The following GPA33 variants were observed in gnomAD, a reference collection of about 807,000 sequenced individuals.
The protein encoded by GPA33 is glycoprotein A33.
A neutral mutation model predicts 35.6 loss-of-function variants in GPA33; 27 were observed. That is an observed-to-expected ratio of 0.76 (90% CI 0.56 to 1.04). GPA33 has a LOEUF of 1.04. Ranked by LOEUF, GPA33 falls within the 50% of genes least tolerant of loss-of-function variation. GPA33 has a pLI of 0.00. For missense variants in GPA33, 428 were observed against 411.9 expected (o/e 1.04, Z -0.34); for synonymous variants, 176 against 164.0 (o/e 1.07, Z -0.56).
chr1:167,075,221 T>A (rs1183945539), intron 1 of GPA33, among the ~76,000 whole-genome samples: 1 of 152,090 alleles, frequency 6.6e-6, no homozygotes, highest in East Asian at 1.9e-4. Context: ...TGTTAAAAGA[T>A]CATTCTGGCA....
intron 1 of GPA33, among the ~76,000 whole-genome samples, chr1:167,077,013 C>A (rs559599167): frequency 6.6e-6 from 1 of 152,266 alleles, no homozygotes; most frequent in African/African-American, 2.4e-5. Context: ...CAAGACCAGC[C>A]TGGCCAACAT....
rs1296689752 is a variant in GPA33 at position 167,055,869 on chromosome 1, A to G, written c.572-20T>C. 1 of 1,613,538 alleles carries G rather than the reference A, an allele frequency of 6.2e-7. No homozygotes were observed. The highest frequency in any genetic ancestry group is 8.5e-7 in the Non-Finnish European group (1 of 1,179,648). The stretch of plus-strand genomic sequence containing the variant: ...CTGAGGCTGCAGGGGAAGAAGAGTC[A>G]GGGTGAAGAGAGGCACTACAGTGGA... On this transcript the variant is annotated intron_variant, in intron 4 of 6. Coordinates refer to ENST00000367868, the MANE Select transcript of GPA33 (RefSeq NM_005814.3).
intron 1 of GPA33, among the ~76,000 whole-genome samples, chr1:167,074,227 C>T (rs10918614): frequency 0.22 from 33,948 of 151,510 alleles, 4,060 homozygotes; most frequent in Non-Finnish European, 0.27. Flanking sequence ...TCCTTCTCTT[C>T]GAGCCTGGGT....
At chr1:167,072,539 A>G (rs141194766) in intron 2 of GPA33, among the ~76,000 whole-genome samples, 109 of 152,330 alleles carry the variant, frequency 7.2e-4, no homozygotes, top group African/African-American at 2.4e-3. Flanking sequence ...CAGAGTTTTA[A>G]TAATTTATTT....
At chr1:167,072,309 C>T (rs1263930803) in intron 2 of GPA33, among the ~76,000 whole-genome samples, 1 of 152,180 alleles carries the variant, frequency 6.6e-6, no homozygotes, top group Non-Finnish European at 1.5e-5. Flanking sequence ...TGAATAGATG[C>T]TCTACTTCTT....
chr1:167,086,543 G>A (rs1358877425), intron 1 of GPA33, among the ~76,000 whole-genome samples: 4 of 152,210 alleles, frequency 2.6e-5, no homozygotes. Context: ...TGATCCACAC[G>A]AACATGGCAC....
chr1:167,068,943 G>T lies in GPA33; in HGVS notation c.394C>A (p.Arg132Ser). 1.9e-6 allele frequency: 3 copies of T among 1,612,944 alleles called. No individual in the cohort carries two copies. The South Asian group carries it at 3.3e-5, about 18-fold the overall frequency. The stretch of plus-strand genomic sequence containing the variant: ...TCACCGAGGACCAACAGGCGGACAC[G>T]TGACTTGGTGTTGCCCTCCAGGTCT... Reference protein sequence around the residue: ...MSDLEGNTKSRVRLLVLVPPS... With the variant: ...MSDLEGNTKSSVRLLVLVPPS... Residue 132 changes from arginine to serine, a missense_variant, in exon 3 of 7, where the codon CGT becomes AGT. Physicochemically the swap from Arg to Ser is moderately radical, Grantham distance 110 (BLOSUM62 -1). Transcript: ENST00000367868.
At chr1:167,071,485 A>G (rs767364565) in intron 2 of GPA33, among the ~76,000 whole-genome samples, 45 of 152,248 alleles carry the variant, frequency 3.0e-4, no homozygotes, top group Non-Finnish European at 5.6e-4. Flanking sequence ...GCTGGGATAC[A>G]TGGCTTGGCT....
chr1:167,054,891 C>A, intron 6 of GPA33, 85 bp downstream of exon 6: 5 of 1,476,120 alleles, frequency 3.4e-6, no homozygotes, highest in Non-Finnish European at 3.7e-6. Context: ...AGGGGTGCTG[C>A]AAGTAGAAGA....
intron 4 of GPA33, among the ~76,000 whole-genome samples, chr1:167,060,063 C>T (rs1310689263): frequency 6.6e-6 from 1 of 151,868 alleles, no homozygotes; most frequent in African/African-American, 2.4e-5. Context: ...CAGATTCTCT[C>T]TATTTATTTT....
rs1666205352 is a variant in GPA33 at position 167,054,968 on chromosome 1, ACACT to A, written c.827+4_827+7del. The A allele has an allele frequency of 1.9e-6, 3 of 1,614,002 alleles. No homozygotes were observed. The highest frequency in any genetic ancestry group is 2.7e-5 in the African/African-American group (2 of 75,038). The stretch of plus-strand genomic sequence containing the variant: ...CCCTTCCAACAGGCTACCAGCCCAG[ACACT>A]CACGGCCTTGCATCCTCCTTGTCTT... On this transcript the variant is annotated splice_donor_5th_base_variant and intron_variant, in intron 6 of 6. Transcript: ENST00000367868.
Position 167,082,900 on chromosome 1 carries a change from C to T in GPA33, c.43+7345G>A, listed in dbSNP as rs1485823538. ...CTGGGTAGGAGAGGAGAGGGAAACACCTCAGGAAGGAGGCGGGTTCCAAGC... is the reference window on the plus strand; with the variant it reads ...CTGGGTAGGAGAGGAGAGGGAAACATCTCAGGAAGGAGGCGGGTTCCAAGC... On this transcript the variant is annotated intron_variant, in intron 1 of 6. Transcript: ENST00000367868. Among the ~76,000 whole-genome samples the T allele has an allele frequency of 2.6e-5, 4 of 152,072 alleles. No homozygotes were observed. In the East Asian group the frequency reaches 5.8e-4, roughly 22 times the overall value.
At chr1:167,087,596 ACT>A (rs1667078812) in intron 1 of GPA33, among the ~76,000 whole-genome samples, 3 of 151,530 alleles carry the variant, frequency 2.0e-5, no homozygotes, top group South Asian at 4.2e-4. Context: ...TTTGTCACTG[ACT>A]CTGTTTAGAA....
At chr1:167,070,121 G>A (rs769490521) in intron 2 of GPA33, among the ~76,000 whole-genome samples, 1 of 152,154 alleles carries the variant, frequency 6.6e-6, no homozygotes, top group Admixed American at 6.5e-5. Flanking sequence ...CAAAGGGCTG[G>A]GGGTATTGGG....
intron 3 of GPA33, among the ~76,000 whole-genome samples, chr1:167,066,728 T>C (rs1045051927): frequency 2.0e-5 from 3 of 152,038 alleles, no homozygotes; most frequent in Non-Finnish European, 4.4e-5. Flanking sequence ...GGAGCAGTGA[T>C]AGGGAGGGAG....
intron 4 of GPA33, among the ~76,000 whole-genome samples, chr1:167,056,692 GGGTGTGTGGTGTGTGT>G (rs1558001850): frequency 0.19 from 323 of 1,688 alleles, no homozygotes; most frequent in African/African-American, 0.23. Flanking sequence ...GGTGTGTGGT[GGGTGTGTGGTGTGTGT>G]AGTGTGTGTG....
intron 1 of GPA33, among the ~76,000 whole-genome samples, chr1:167,083,209 C>T (rs1373815140): frequency 1.3e-5 from 2 of 152,226 alleles, no homozygotes; most frequent in Non-Finnish European, 2.9e-5. Context: ...CTCTAAGTCA[C>T]TTTAACCTGT....
intron 1 of GPA33, among the ~76,000 whole-genome samples, chr1:167,079,819 A>C (rs1479358217): frequency 6.6e-6 from 1 of 152,164 alleles, no homozygotes; most frequent in African/African-American, 2.4e-5. Flanking sequence ...TGATGTTTGC[A>C]ATCACCAGCT....
chr1:167,071,403 C>T (rs574913916), intron 2 of GPA33, among the ~76,000 whole-genome samples: 11 of 152,148 alleles, frequency 7.2e-5, no homozygotes, highest in African/African-American at 2.7e-4. Context: ...TGTGGAGACC[C>T]GATGTCAAGT....
Sources: gnomAD v4.1 joint callset for allele counts (sites outside exome capture counted in the v4.1 genomes callset) on GRCh38, gnomAD v4.1.1 for gene constraint, MANE v1.5 for transcripts, NCBI Gene and HGNC (gene_info 2026-07-23, HGNC 2026-07-21) for gene names.